The following MARK3 variants were observed in gnomAD, a reference collection of about 807,000 sequenced individuals.
MARK3 encodes the protein MAP/microtubule affinity-regulating kinase 3.
A neutral mutation model predicts 90.1 loss-of-function variants in MARK3; 46 were observed. That is an observed-to-expected ratio of 0.51 (90% CI 0.40 to 0.65). The LOEUF (loss-of-function observed/expected upper bound fraction) is 0.65. Among genes scored for constraint, MARK3 ranks in the 30% least tolerant of loss-of-function variants. The probability of loss-of-function intolerance (pLI) is 0.00; values close to 1 mark genes in which losing one functional copy is unlikely to be tolerated. For synonymous variants in MARK3, 321 were observed against 332.6 expected, an observed-to-expected ratio of 0.97 and a Z score of 0.38; for missense variants, 818 against 947.2, an observed-to-expected ratio of 0.86 and a Z score of 1.79.
chr14:103,405,024 C>A, intron 1 of MARK3, 52 bp from the exon 2 acceptor site: 1 of 1,452,538 alleles, frequency 6.9e-7, no homozygotes, highest in Non-Finnish European at 9.4e-7. Context: ...TAGAACTTGG[C>A]AAGTACTCTG....
At position 103,420,690 on chromosome 14, in the gene MARK3, G is replaced by A. The variant is rs548535118; in HGVS notation, c.244-7697G>A. The stretch of plus-strand genomic sequence containing the variant: ...GCAGATAGTTAATACTCATTTTTTT[G>A]TGGTTTCTATATTTGCAAATTTACC... On this transcript the variant is annotated intron_variant, in intron 2 of 17. Coordinates refer to ENST00000429436, the MANE Select transcript of MARK3 (RefSeq NM_001128918.3). Among the ~76,000 whole-genome samples, 201 of 152,054 alleles carry A rather than the reference G, an allele frequency of 1.3e-3. 1 individual carries two copies. Among genetic ancestry groups the A allele is most frequent in the African/African-American group, 4.5e-3 (188 of 41,500 alleles).
chr14:103,480,050 G>A (rs540343247), intron 13 of MARK3, among the ~76,000 whole-genome samples: 2 of 152,264 alleles, frequency 1.3e-5, no homozygotes, highest in Non-Finnish European at 2.9e-5. Context: ...GAACCCAGGA[G>A]GGGGAGGTTG....
chr14:103,444,051 A>G (rs1303360349), intron 3 of MARK3, among the ~76,000 whole-genome samples: 2 of 125,052 alleles, frequency 1.6e-5, no homozygotes, highest in Non-Finnish European at 3.4e-5. Flanking sequence ...TCTTTTACAT[A>G]CTCATTTTAC....
At chr14:103,484,913 C>CT (rs1405615415) in intron 14 of MARK3, among the ~76,000 whole-genome samples, 1 of 151,198 alleles carries the variant, frequency 6.6e-6, no homozygotes, top group African/African-American at 2.4e-5. Context: ...GAGCAAGACT[C>CT]TGTCTCAAAA....
Position 103,462,472 on chromosome 14 carries a change from G to T in MARK3, c.540+11G>T. 6.3e-7 allele frequency: 1 copy of T among 1,594,876 alleles called. No individual in the cohort carries two copies. The highest frequency in any genetic ancestry group is 8.6e-7 in the Non-Finnish European group (1 of 1,164,390). ...CATCGAGACCTCAAGGTGAGTAGAA[G>T]TGCCTCACTCAGTGTATGCTCTGTC... is the stretch of plus-strand genomic sequence containing the variant. On this transcript the variant is annotated intron_variant, in intron 7 of 17. Transcript: ENST00000429436.
intron 2 of MARK3, among the ~76,000 whole-genome samples, chr14:103,418,219 C>CTTTTTTTTT (rs36012703): frequency 2.1e-4 from 13 of 61,662 alleles, no homozygotes; most frequent in African/African-American, 4.0e-4. Context: ...ATAGTAAAGG[C>CTTTTTTTTT]TTTTTTTTTT....
intron 13 of MARK3, among the ~76,000 whole-genome samples, chr14:103,476,787 C>T (rs1042868823): frequency 2.4e-4 from 37 of 152,098 alleles, no homozygotes; most frequent in Admixed American, 5.2e-4. Flanking sequence ...TGAAGGACCC[C>T]AAGGGGCTTT....
At chr14:103,485,795 G>A (rs2093917946) in intron 14 of MARK3, among the ~76,000 whole-genome samples, 1 of 152,162 alleles carries the variant, frequency 6.6e-6, no homozygotes, top group Non-Finnish European at 1.5e-5. Context: ...CACTTCGGGA[G>A]GCCTAGACAG....
At chr14:103,499,735 C>A in intron 16 of MARK3, 1 of 159,830 alleles carries the variant, frequency 6.3e-6, no homozygotes, top group South Asian at 1.7e-4. Context: ...AGCTGATAGC[C>A]TCATTGGCTT....
At position 103,448,985 on chromosome 14, in the gene MARK3, A is replaced by T. The variant is rs1355368325; in HGVS notation, c.346+18A>T. On this transcript the variant is annotated intron_variant, in intron 4 of 17. Transcript: ENST00000429436. The stretch of plus-strand genomic sequence containing the variant: ...CAATATAGGTACTTTCTGCTTTTTT[A>T]AATATTTTGGGGTCTAAATACGTAC... 5 of 1,562,838 alleles carry T rather than the reference A, an allele frequency of 3.2e-6. No individual in the cohort carries two copies. In the African/African-American group the frequency reaches 6.8e-5, roughly 21 times the overall value.
At chr14:103,387,571 C>T (rs1368569667) in intron 1 of MARK3, among the ~76,000 whole-genome samples, 5 of 152,086 alleles carry the variant, frequency 3.3e-5, no homozygotes, top group Non-Finnish European at 7.4e-5. Flanking sequence ...TGGCTCACTG[C>T]AGCCTCCACC....
chr14:103,433,620 G>A (rs911740846), intron 3 of MARK3, among the ~76,000 whole-genome samples: 1 of 151,704 alleles, frequency 6.6e-6, no homozygotes, highest in African/African-American at 2.4e-5. Context: ...CGGAGGCGGA[G>A]GTTGCAGTGA....
At chr14:103,397,644 C>T (rs1169950251) in intron 1 of MARK3, among the ~76,000 whole-genome samples, 1 of 152,108 alleles carries the variant, frequency 6.6e-6, no homozygotes, top group Non-Finnish European at 1.5e-5. Context: ...ATTTTTTTAG[C>T]CACAACTTGT....
At chr14:103,465,077 C>T (rs538014323) in intron 7 of MARK3, among the ~76,000 whole-genome samples, 65 of 152,240 alleles carry the variant, frequency 4.3e-4, no homozygotes, top group African/African-American at 1.5e-3. Flanking sequence ...AAGCAATTCT[C>T]CTGCCTCAGC....
intron 17 of MARK3, among the ~76,000 whole-genome samples, chr14:103,502,397 TTTTAG>T (rs2075720648): frequency 6.6e-6 from 1 of 152,206 alleles, no homozygotes; most frequent in Admixed American, 6.5e-5. Flanking sequence ...AGCAAAGCAA[TTTTAG>T]ACTGCGGATG....
intron 1 of MARK3, among the ~76,000 whole-genome samples, chr14:103,400,941 T>TTTTGTG (rs1555371007): frequency 1.6e-5 from 1 of 62,714 alleles, no homozygotes; most frequent in Admixed American, 1.9e-4. Context: ...TTATATAACA[T>TTTTGTG]TTTGTGTGTG....
At chr14:103,500,131 C>T in intron 16 of MARK3, 25 bp from the exon 17 acceptor site, 1 of 1,598,424 alleles carries the variant, frequency 6.3e-7, no homozygotes, top group Non-Finnish European at 8.6e-7. Flanking sequence ...CCTCTTCTCT[C>T]TGCTTCTACA....
chr14:103,478,941 C>A (rs942522809), intron 13 of MARK3, among the ~76,000 whole-genome samples: 1 of 152,110 alleles, frequency 6.6e-6, no homozygotes, highest in Non-Finnish European at 1.5e-5. Flanking sequence ...TATATTATTT[C>A]CATGTATTGG....
At chr14:103,498,380 T>C (rs2075460586) in intron 15 of MARK3, 122 bp from the exon 16 acceptor site, 2 of 612,230 alleles carry the variant, frequency 3.3e-6, no homozygotes, top group African/African-American at 3.9e-5. Context: ...CTTTGTTCAT[T>C]GGCCAGAGAA....
Sources: allele counts gnomAD v4.1 joint callset (sites outside exome capture counted in the v4.1 genomes callset), GRCh38; gene constraint gnomAD v4.1.1; transcripts MANE v1.5; gene names NCBI Gene and HGNC (gene_info 2026-07-23, HGNC 2026-07-21).